TLE1: variants seen among roughly 807,000 people sequenced by gnomAD.
The protein encoded by TLE1 is transducin-like enhancer protein 1.
In TLE1, 21 loss-of-function variants were observed where a neutral mutation model predicts 89.8. The ratio of observed to expected loss-of-function variants is 0.23; its 90% CI spans 0.17 to 0.34. TLE1 has a LOEUF of 0.34. Among genes scored for constraint, TLE1 ranks in the 10% least tolerant of loss-of-function variants. The pLI is 1.00. For synonymous variants in TLE1, 447 were observed against 407.6 expected, an observed-to-expected ratio of 1.10 and a Z score of -1.16; for missense variants, 795 against 1,031.2, an observed-to-expected ratio of 0.77 and a Z score of 3.14.
chr9:81,606,822 T>C (rs184463704), intron 14 of TLE1, among the ~76,000 whole-genome samples: 8 of 150,924 alleles, frequency 5.3e-5, no homozygotes, highest in African/African-American at 1.7e-4. Flanking sequence ...GGCAGTAAGA[T>C]TGTATATAAC....
chr9:81,687,413 G>A lies in TLE1; in HGVS notation c.46C>T (p.Gln16Ter). The A allele has an allele frequency of 6.2e-7, 1 of 1,611,158 alleles. No individual in the cohort carries two copies. ...RHPTPHQAAG[Q>*]PFKFTIPESL... ...TCCGGGATAGTGAACTTGAAGGGCT[G>A]GCCTGCAGCCTGGTGCGGCGTCTGG... The change falls in exon 2 of 20, where the codon CAG becomes TAG. Residue 16 changes from glutamine to a stop codon, truncating the protein, a stop_gained. Coordinates refer to ENST00000376499, the MANE Select transcript of TLE1 (RefSeq NM_005077.5). LOFTEE classifies it high-confidence loss of function.
rs942263468 is a variant in TLE1, at chr9:81,584,470, G to T, written c.2183C>A (p.Pro728His). ...KDNLLNAWRTPYGASIFQSKE... is the reference protein window; with the variant it reads ...KDNLLNAWRTHYGASIFQSKE... ...CACCTGGAATATGCTGGCTCCATAGGGGGTCCGCCAAGCATTGAGGAGGTT... is the reference window on the plus strand; with the variant it reads ...CACCTGGAATATGCTGGCTCCATAGTGGGTCCGCCAAGCATTGAGGAGGTT... The change falls in exon 19 of 20, where the codon CCC becomes CAC. Residue 728 changes from proline (P) to histidine (H), a missense_variant. By Grantham distance (77) the Pro-to-His change is moderately conservative (BLOSUM62 -2). This residue lies in a region of TLE1 where 214 missense variants were observed against 354.9 expected (regional missense o/e 0.60). Transcript: ENST00000376499. 1 of 1,614,014 alleles carries T rather than the reference G, an allele frequency of 6.2e-7. No individual in the cohort carries two copies. The highest frequency in any genetic ancestry group is 1.3e-5 in the African/African-American group (1 of 74,918).
chr9:81,684,980 TA>T (rs1447353808), intron 4 of TLE1, among the ~76,000 whole-genome samples: 1 of 152,206 alleles, frequency 6.6e-6, no homozygotes, highest in African/African-American at 2.4e-5. Context: ...ATAGTAGCCA[TA>T]AGTGTGAATT....
chr9:81,636,997 C>T (rs1231289649), intron 6 of TLE1, among the ~76,000 whole-genome samples: 10 of 144,704 alleles, frequency 6.9e-5, no homozygotes, highest in East Asian at 2.0e-4. Flanking sequence ...AGGGAGACTC[C>T]GTCTCAAAAA....
At chr9:81,688,049 T>C (rs1178786042) in intron 1 of TLE1, among the ~76,000 whole-genome samples, 168 bp downstream of exon 1, 1 of 151,820 alleles carries the variant, frequency 6.6e-6, no homozygotes, top group Non-Finnish European at 1.5e-5. Flanking sequence ...ATTAAGAGTT[T>C]CGGCCCACTC....
chr9:81,639,243 T>G lies in TLE1; in HGVS notation c.373-4942A>C, dbSNP rs78796872. The stretch of plus-strand genomic sequence containing the variant: ...GCCTGGCCACAGCTTGGCTAATTTT[T>G]TTTACACAGATGGGGTCTCACCATG... On this transcript the variant is annotated intron_variant, in intron 6 of 19. Transcript: ENST00000376499. Among the ~76,000 whole-genome samples the G allele has an allele frequency of 1.6e-3, 246 of 151,904 alleles. 5 individuals carry two copies. In the East Asian group the frequency reaches 0.044, roughly 27 times the overall value.
chr9:81,620,378 T>C (rs1215053864), intron 9 of TLE1, 63 bp downstream of exon 9: 8 of 1,218,364 alleles, frequency 6.6e-6, no homozygotes, highest in Middle Eastern at 2.0e-4. Flanking sequence ...TCTTAGAATA[T>C]ACTTGGATAC....
Position 81,612,451 on chromosome 9 carries a change from C to T in TLE1, c.1064-492G>A, listed in dbSNP as rs873755. 1,321 of 826,032 alleles carry T rather than the reference C, an allele frequency of 1.6e-3. 17 individuals are homozygous for T. In the African/African-American group the frequency reaches 0.023, roughly 14 times the overall value. The allele number at this position is 826,032 out of a possible 1,614,324, so 51.2% of individuals were successfully genotyped here. On this transcript the variant is annotated intron_variant, in intron 12 of 19. Transcript: ENST00000376499. ...GAGGAATATTCTGTTGCCTATTTTC[C>T]TTTGGGCCCAGGTTGTTGCTTTTTT...
intron 4 of TLE1, among the ~76,000 whole-genome samples, chr9:81,671,182 A>G (rs1588203647): frequency 1.3e-5 from 2 of 151,990 alleles, no homozygotes; most frequent in East Asian, 3.9e-4. Context: ...CAAAAAAGAA[A>G]CAAGGATGAA....
chr9:81,674,258 C>G (rs1832608784), intron 4 of TLE1, among the ~76,000 whole-genome samples: 1 of 152,212 alleles, frequency 6.6e-6, no homozygotes, highest in Admixed American at 6.5e-5. Context: ...GGCTTGCCTT[C>G]TAATGCAGTT....
intron 14 of TLE1, among the ~76,000 whole-genome samples, chr9:81,596,010 T>A (rs570285784): frequency 6.6e-6 from 1 of 152,014 alleles, no homozygotes; most frequent in Non-Finnish European, 1.5e-5. Context: ...CAGGTTTCCA[T>A]GAGGCACCCT....
At chr9:81,688,027 G>A (rs959845471) in intron 1 of TLE1, among the ~76,000 whole-genome samples, 190 bp downstream of exon 1, 9 of 152,000 alleles carry the variant, frequency 5.9e-5, no homozygotes, top group South Asian at 4.2e-4. Context: ...GGAGCCCAAA[G>A]GGAGGGAGAA....
At chr9:81,681,137 C>A (rs889935733) in intron 4 of TLE1, among the ~76,000 whole-genome samples, 1 of 152,132 alleles carries the variant, frequency 6.6e-6, no homozygotes, top group East Asian at 1.9e-4. Flanking sequence ...ATTTACATGG[C>A]CTGAGATGTT....
At position 81,653,989 on chromosome 9, in the gene TLE1, T is replaced by A. The variant is rs779740096; in HGVS notation, c.282A>T (p.Pro94=). Residue 94 remains proline, a synonymous_variant, in exon 5 of 20, where the codon CCA becomes CCT. Coordinates refer to ENST00000376499, the MANE Select transcript of TLE1 (RefSeq NM_005077.5). The stretch of plus-strand genomic sequence containing the variant: ...TTTTACTTACTTCCTGAGACAGAAA[T>A]GGGATGACTTGTGCACAAATCGTAT... ...RLNTICAQVI[P]FLSQEHQQQV... The A allele has an allele frequency of 7.4e-6, 12 of 1,613,886 alleles. No individual in the cohort carries two copies. The highest frequency in any genetic ancestry group is 1.7e-5 in the Admixed American group (1 of 59,998).
intron 14 of TLE1, among the ~76,000 whole-genome samples, chr9:81,604,122 A>T (rs918563554): frequency 1.3e-5 from 2 of 152,198 alleles, no homozygotes; most frequent in African/African-American, 4.8e-5. Context: ...TAAGACTTGC[A>T]TGCATTTCTC....
intron 4 of TLE1, among the ~76,000 whole-genome samples, chr9:81,672,461 C>A (rs1015527816): frequency 6.7e-5 from 6 of 89,270 alleles, no homozygotes; most frequent in Admixed American, 1.3e-4. Context: ...AGCCTCCCAA[C>A]AATTTTTTTT....
chr9:81,659,640 C>T (rs911019102), intron 4 of TLE1, among the ~76,000 whole-genome samples: 2 of 152,172 alleles, frequency 1.3e-5, no homozygotes, highest in African/African-American at 2.4e-5. Flanking sequence ...GTCTTTCATT[C>T]TCCTTACCTA....
In TLE1 at chr9:81,685,730, G is replaced by GA. The variant is rs1834179487; in HGVS notation, c.190-11dup. ...ATGACATTTCATAATACTGTAAAGA[G>GA]AAAAAAGAATCAAGCATTTCATTAA... On this transcript the variant is annotated splice_polypyrimidine_tract_variant and intron_variant, in intron 3 of 19. Coordinates refer to ENST00000376499, the MANE Select transcript of TLE1 (RefSeq NM_005077.5). 1 of 1,612,382 alleles carries GA rather than the reference G, an allele frequency of 6.2e-7. No individual in the cohort carries two copies.
At chr9:81,653,902 T>G in intron 5 of TLE1, 72 bp downstream of exon 5, 1 of 1,389,114 alleles carries the variant, frequency 7.2e-7, no homozygotes, top group East Asian at 2.3e-5. Context: ...AAAATTAACA[T>G]CTTAAAACTA....
Sources: allele counts gnomAD v4.1 joint callset (sites outside exome capture counted in the v4.1 genomes callset), GRCh38; gene constraint gnomAD v4.1.1; regional missense constraint gnomAD v4.1.1; transcripts MANE v1.5; gene names NCBI Gene and HGNC (gene_info 2026-07-23, HGNC 2026-07-21).